Variants in CNTNAP4 observed in about 807,000 individuals in gnomAD.
CNTNAP4 encodes contactin associated protein family member 4.
CNTNAP4 carries 98 observed loss-of-function variants against 148.4 expected under a neutral mutation model. The observed-to-expected ratio is 0.66, with a 90% CI of 0.56 to 0.78. CNTNAP4 has a LOEUF of 0.78. Among genes scored for constraint, CNTNAP4 ranks in the 30% least tolerant of loss-of-function variants. The probability of loss-of-function intolerance (pLI) is 0.00; values close to 1 mark genes in which losing one functional copy is unlikely to be tolerated. For missense variants in CNTNAP4, 1,935 were observed against 1,565.6 expected (o/e 1.24, Z -3.98); for synonymous variants, 730 against 565.1 (o/e 1.29, Z -4.14).
intron 3 of CNTNAP4, among the ~76,000 whole-genome samples, chr16:76,411,887 G>A (rs543329232): frequency 4.6e-5 from 7 of 151,494 alleles, no homozygotes; most frequent in South Asian, 4.1e-4. Flanking sequence ...ATCAAAAAGT[G>A]AAAATGCTAT....
At chr16:76,543,999 G>A (rs915987359) in intron 21 of CNTNAP4, among the ~76,000 whole-genome samples, 5 of 152,154 alleles carry the variant, frequency 3.3e-5, no homozygotes, top group East Asian at 1.9e-4. Context: ...CAAGGTAGAC[G>A]TTACATCTGC....
At chr16:76,364,442 C>A (rs1031183799) in intron 3 of CNTNAP4, among the ~76,000 whole-genome samples, 2 of 151,978 alleles carry the variant, frequency 1.3e-5, no homozygotes, top group African/African-American at 4.8e-5. Flanking sequence ...AGTGTACACC[C>A]CCATTCCAGT....
chr16:76,288,147 G>C (rs569568924), intron 1 of CNTNAP4, among the ~76,000 whole-genome samples: 3 of 152,106 alleles, frequency 2.0e-5, no homozygotes, highest in East Asian at 3.9e-4. Flanking sequence ...ATGAGATCTC[G>C]TGAGATATGA....
chr16:76,335,192 A>G (rs1426297975), intron 2 of CNTNAP4, among the ~76,000 whole-genome samples: 1 of 152,138 alleles, frequency 6.6e-6, no homozygotes, highest in Non-Finnish European at 1.5e-5. Flanking sequence ...TTGATCTTGT[A>G]AAAGGTGAGC....
chr16:76,428,419 GTT>G (rs146173411), intron 4 of CNTNAP4, among the ~76,000 whole-genome samples: 2,095 of 147,910 alleles, frequency 0.014, 51 homozygotes, highest in African/African-American at 0.049. Flanking sequence ...TCACGACATC[GTT>G]TTTTTTTTTT....
intron 3 of CNTNAP4, among the ~76,000 whole-genome samples, chr16:76,380,036 G>A (rs897683274): frequency 6.6e-6 from 1 of 152,142 alleles, no homozygotes. Context: ...GAATTATGTG[G>A]TGAATGTTGT....
In CNTNAP4 at chr16:76,376,907, TTGTGTGTGTGTGTGTGTGTGTGTGTG is replaced by T. The variant is rs5817987; in HGVS notation, c.390+21418_390+21443del. On this transcript the variant is annotated intron_variant, in intron 3 of 23. Coordinates refer to ENST00000611870, the MANE Select transcript of CNTNAP4 (RefSeq NM_033401.5). ...TCCAGAGAAACAAAACTAACAAGGT[TTGTGTGTGTGTGTGTGTGTGTGTGTG>T]TGTGTGTGTGTGTGTGTGTGTACAC... is the stretch of plus-strand genomic sequence containing the variant. 1.1e-4 allele frequency among the ~76,000 whole-genome samples: 16 copies of T among 143,546 alleles called. No homozygotes were observed. The East Asian group carries it at 1.7e-3, about 15-fold the overall frequency. The allele number at this position is 143,546 out of a possible 152,430, so 94.2% of individuals were successfully genotyped here. A position where few individuals can be genotyped will look rare whatever the true frequency, so the allele number is the denominator to read the frequency against.
At chr16:76,432,191 C>A (rs1259806833) in intron 4 of CNTNAP4, among the ~76,000 whole-genome samples, 1 of 152,136 alleles carries the variant, frequency 6.6e-6, no homozygotes, top group Non-Finnish European at 1.5e-5. Context: ...TTATGCCAGG[C>A]TCCCCTTGTG....
chr16:76,317,594 T>C (rs1308920313), intron 2 of CNTNAP4, among the ~76,000 whole-genome samples: 1 of 152,228 alleles, frequency 6.6e-6, no homozygotes, highest in Non-Finnish European at 1.5e-5. Context: ...CCATTTATTA[T>C]CCTCCTCTCG....
chr16:76,320,106 G>A (rs1962248685), intron 2 of CNTNAP4, among the ~76,000 whole-genome samples: 1 of 152,146 alleles, frequency 6.6e-6, no homozygotes, highest in Admixed American at 6.5e-5. Flanking sequence ...TAAATACAAA[G>A]GTTTAAAGTG....
At chr16:76,417,053 CGTGTGAT>C (rs2079012572) in intron 3 of CNTNAP4, among the ~76,000 whole-genome samples, 1 of 151,244 alleles carries the variant, frequency 6.6e-6, no homozygotes, top group African/African-American at 2.4e-5. Flanking sequence ...TTAGTGTTAA[CGTGTGAT>C]ATATCTTTCT....
intron 1 of CNTNAP4, among the ~76,000 whole-genome samples, chr16:76,296,953 C>G (rs531259771): frequency 9.2e-5 from 14 of 152,274 alleles, no homozygotes; most frequent in African/African-American, 2.4e-5. Context: ...CCGTTGGCAA[C>G]TGTTACATTT....
At chr16:76,372,155 T>TTTC (rs2014900989) in intron 3 of CNTNAP4, among the ~76,000 whole-genome samples, 1 of 151,200 alleles carries the variant, frequency 6.6e-6, no homozygotes, top group East Asian at 1.9e-4. Flanking sequence ...TTTTTTTTTT[T>TTTC]TTGAGACGGA....
At chr16:76,542,573 G>A (rs2144309988) in intron 21 of CNTNAP4, among the ~76,000 whole-genome samples, 1 of 152,196 alleles carries the variant, frequency 6.6e-6, no homozygotes, top group African/African-American at 2.4e-5. Context: ...GAGCCCCAGA[G>A]AGACCCAGGA....
intron 1 of CNTNAP4, among the ~76,000 whole-genome samples, chr16:76,283,846 A>G (rs1203527374): frequency 1.3e-5 from 2 of 152,022 alleles, no homozygotes; most frequent in Non-Finnish European, 2.9e-5. Flanking sequence ...GTCCTTCACT[A>G]TCCTTTAAAA....
chr16:76,296,952 A>G (rs1261562616), intron 1 of CNTNAP4, among the ~76,000 whole-genome samples: 1 of 152,178 alleles, frequency 6.6e-6, no homozygotes, highest in African/African-American at 2.4e-5. Context: ...TCCGTTGGCA[A>G]CTGTTACATT....
chr16:76,399,143 T>C (rs902141786), intron 3 of CNTNAP4, among the ~76,000 whole-genome samples: 1 of 152,198 alleles, frequency 6.6e-6, no homozygotes, highest in Non-Finnish European at 1.5e-5. Context: ...CATGTGGAAC[T>C]GTGAGTCCCT....
intron 2 of CNTNAP4, among the ~76,000 whole-genome samples, chr16:76,322,373 C>A (rs759808726): frequency 1.3e-5 from 2 of 152,184 alleles, no homozygotes; most frequent in African/African-American, 4.8e-5. Flanking sequence ...GAACTTGAGC[C>A]TCCCAGACAC....
intron 3 of CNTNAP4, among the ~76,000 whole-genome samples, chr16:76,417,727 C>T (rs7189131): frequency 0.023 from 3,512 of 151,564 alleles, 121 homozygotes; most frequent in African/African-American, 0.077. Context: ...GATTTCTGAG[C>T]TATATAACTT....
Sources: gnomAD v4.1 joint callset for allele counts (sites outside exome capture counted in the v4.1 genomes callset) on GRCh38, gnomAD v4.1.1 for gene constraint, MANE v1.5 for transcripts, NCBI Gene and HGNC (gene_info 2026-07-23, HGNC 2026-07-21) for gene names.